The following EIF3E variants were observed in gnomAD, a reference collection of about 807,000 sequenced individuals.
The protein encoded by EIF3E is eukaryotic translation initiation factor 3 subunit E.
In EIF3E, 25 loss-of-function variants were observed where a neutral mutation model predicts 59.3. That is an observed-to-expected ratio of 0.42 (90% CI 0.31 to 0.59). The LOEUF is 0.59. Ranked by LOEUF, EIF3E falls within the 20% of genes least tolerant of loss-of-function variation. The pLI is 0.15. For synonymous variants in EIF3E, 176 were observed against 170.2 expected (o/e 1.03, Z -0.26); for missense variants, 317 against 534.3 (o/e 0.59, Z 4.01).
chr8:108,205,355 A>G (rs1443660383), intron 10 of EIF3E, among the ~76,000 whole-genome samples: 1 of 152,144 alleles, frequency 6.6e-6, no homozygotes, highest in Admixed American at 6.5e-5. Flanking sequence ...TTACTGTCTG[A>G]TTGATTCTTA....
intron 10 of EIF3E, among the ~76,000 whole-genome samples, chr8:108,204,716 ATATATAGTATGTATG>A (rs1159093532): frequency 2.1e-5 from 3 of 139,738 alleles, no homozygotes. Context: ...GCTATATACT[ATATATAGTATGTATG>A]TATATATATA....
intron 5 of EIF3E, among the ~76,000 whole-genome samples, chr8:108,230,391 T>C (rs1815600000): frequency 2.0e-5 from 3 of 152,250 alleles, no homozygotes; most frequent in Non-Finnish European, 4.4e-5. Flanking sequence ...ACTTGGTAAA[T>C]CTGAGTTACT....
chr8:108,212,489 T>C (rs1586193706), intron 10 of EIF3E, among the ~76,000 whole-genome samples: 1 of 152,196 alleles, frequency 6.6e-6, no homozygotes, highest in Non-Finnish European at 1.5e-5. Flanking sequence ...TTCTTTCAGA[T>C]TGAAAATTCT....
In EIF3E at chr8:108,234,981, CAT is replaced by C; in HGVS notation, c.471+15_471+16del. ...AAGACAAAAAAAAAAAAAAAAAAAA[CAT>C]GTACTTATACTTACCAGCACTCTAA... is the stretch of plus-strand genomic sequence containing the variant. On this transcript the variant is annotated intron_variant, in intron 5 of 12. Transcript: ENST00000220849. 1.5e-6 allele frequency: 1 copy of C among 648,064 alleles called. No individual in the cohort carries two copies. The highest frequency in any genetic ancestry group is 2.3e-6 in the Non-Finnish European group (1 of 435,944). The allele number at this position is 648,064 out of a possible 1,614,324, so 40.1% of individuals were successfully genotyped here.
intron 8 of EIF3E, 90 bp downstream of exon 8, chr8:108,217,244 C>T: frequency 1.9e-6 from 2 of 1,046,474 alleles, no homozygotes; most frequent in Non-Finnish European, 2.6e-6. Flanking sequence ...AACGTTTGTA[C>T]CTTAAGAACT....
chr8:108,232,245 GA>G (rs1815638153), intron 5 of EIF3E, among the ~76,000 whole-genome samples: 1 of 152,094 alleles, frequency 6.6e-6, no homozygotes, highest in Non-Finnish European at 1.5e-5. Context: ...ATGCCAACAG[GA>G]AGCAACAAAC....
intron 3 of EIF3E, among the ~76,000 whole-genome samples, chr8:108,236,663 A>C (rs1020967013): frequency 6.6e-6 from 1 of 152,174 alleles, no homozygotes. Context: ...CCTATATATA[A>C]ATGTCCCCTC....
At chr8:108,217,003 A>G (rs1586196357) in intron 8 of EIF3E, among the ~76,000 whole-genome samples, 1 of 152,170 alleles carries the variant, frequency 6.6e-6, no homozygotes, top group Non-Finnish European at 1.5e-5. Context: ...AAGTTCACCC[A>G]TGTAGAATTA....
chr8:108,205,092 C>T (rs955888927), intron 10 of EIF3E, among the ~76,000 whole-genome samples: 2 of 152,002 alleles, frequency 1.3e-5, no homozygotes, highest in Non-Finnish European at 2.9e-5. Flanking sequence ...TGTCTTTTAT[C>T]TTCATGGAAG....
intron 5 of EIF3E, 145 bp downstream of exon 5, chr8:108,234,853 T>A: frequency 2.3e-5 from 10 of 430,188 alleles, no homozygotes. Flanking sequence ...AGTGGGAGGG[T>A]TTTCTTTACT....
In EIF3E at chr8:108,201,814, C is replaced by T. The variant is rs1815000505; in HGVS notation, c.*71G>A. 4 of 1,252,180 alleles carry T rather than the reference C, an allele frequency of 3.2e-6. No individual in the cohort carries two copies. The East Asian group carries it at 8.6e-5, about 27-fold the overall frequency. 77.6% of individuals were successfully genotyped at this position (1,252,180 alleles called of 1,614,324 possible). The stretch of plus-strand genomic sequence containing the variant: ...ATGTTGTTTCCAAAATGTAAGTCAC[C>T]CTTTATATAATAGTTTTATTATTTC... On this transcript the variant is annotated 3_prime_UTR_variant, in exon 13 of 13. Transcript: ENST00000220849.
At chr8:108,231,442 A>G (rs1299988568) in intron 5 of EIF3E, among the ~76,000 whole-genome samples, 1 of 152,118 alleles carries the variant, frequency 6.6e-6, no homozygotes, top group Non-Finnish European at 1.5e-5. Context: ...TCTAAAAATT[A>G]TCATTACTCA....
At chr8:108,218,807 G>A (rs1203184888) in intron 7 of EIF3E, among the ~76,000 whole-genome samples, 2 of 112,726 alleles carry the variant, frequency 1.8e-5, no homozygotes, top group African/African-American at 6.8e-5. Flanking sequence ...TTTTTGAGAC[G>A]AAGTCTCACT....
chr8:108,219,961 G>A (rs908875818), intron 7 of EIF3E, among the ~76,000 whole-genome samples: 6 of 152,044 alleles, frequency 3.9e-5, no homozygotes, highest in Non-Finnish European at 7.4e-5. Flanking sequence ...TGGCCAACAC[G>A]GTGAAACCCT....
intron 1 of EIF3E, among the ~76,000 whole-genome samples, chr8:108,246,293 G>C (rs1815947874): frequency 7.0e-6 from 1 of 143,854 alleles, no homozygotes; most frequent in Non-Finnish European, 1.5e-5. Context: ...GTGGGGGGGG[G>C]GGGCTGCTGT....
rs192899202 is a variant in EIF3E at position 108,203,334 on chromosome 8, T to C, written c.1164+67A>G. 92 of 1,425,060 alleles carry C rather than the reference T, an allele frequency of 6.5e-5. 1 individual carries two copies. In the East Asian group the frequency reaches 1.1e-3, roughly 17 times the overall value. 88.3% of individuals were successfully genotyped at this position (1,425,060 alleles called of 1,614,324 possible). On this transcript the variant is annotated intron_variant, in intron 11 of 12. Coordinates refer to ENST00000220849, the MANE Select transcript of EIF3E (RefSeq NM_001568.3). ...TATTAAAGGAGGTAATAAAATGTCCTAGTTAAGAATTCCCAAAAGTATAAT... is the reference window on the plus strand; with the variant it reads ...TATTAAAGGAGGTAATAAAATGTCCCAGTTAAGAATTCCCAAAAGTATAAT...
chr8:108,206,049 A>T (rs1815095510), intron 10 of EIF3E, among the ~76,000 whole-genome samples: 1 of 152,118 alleles, frequency 6.6e-6, no homozygotes, highest in East Asian at 1.9e-4. Context: ...AATTCCTTTC[A>T]ACACTTTTAA....
At chr8:108,218,748 T>C (rs1815348817) in intron 7 of EIF3E, among the ~76,000 whole-genome samples, 3 of 151,936 alleles carry the variant, frequency 2.0e-5, no homozygotes, top group Middle Eastern at 6.9e-3. Context: ...ACTATCAGTT[T>C]TAAAGTAGGT....
At chr8:108,206,963 CT>C (rs1250437462) in intron 10 of EIF3E, among the ~76,000 whole-genome samples, 2 of 152,154 alleles carry the variant, frequency 1.3e-5, no homozygotes, top group African/African-American at 4.8e-5. Flanking sequence ...TGAGCCATAT[CT>C]TACTTTGTGG....
Sources: gnomAD v4.1 joint callset for allele counts (sites outside exome capture counted in the v4.1 genomes callset) on GRCh38, gnomAD v4.1.1 for gene constraint, MANE v1.5 for transcripts, NCBI Gene and HGNC (gene_info 2026-07-23, HGNC 2026-07-21) for gene names.